C4orf36: variants seen among roughly 807,000 people sequenced by gnomAD.
C4orf36 encodes chromosome 4 open reading frame 36.
In C4orf36, 11 loss-of-function variants were observed where a neutral mutation model predicts 12.2. The ratio of observed to expected loss-of-function variants is 0.90; its 90% CI spans 0.57 to 1.49. The LOEUF (loss-of-function observed/expected upper bound fraction) is 1.49, where lower values mean the gene tolerates loss of function less well. C4orf36 is among the 40% of genes most tolerant of loss of function. The pLI is 0.00. For missense variants in C4orf36, 137 were observed against 133.9 expected, an observed-to-expected ratio of 1.02 and a Z score of -0.11; for synonymous variants, 54 against 51.3, an observed-to-expected ratio of 1.05 and a Z score of -0.22.
the C4orf36 span, among the ~76,000 whole-genome samples, chr4:86,905,797 A>G: frequency 1.3e-3 from 199 of 150,514 alleles, 6 homozygotes; most frequent in South Asian, 0.041. Flanking sequence ...GGCTCACTGC[A>G]ACCTCTGTCT....
At chr4:86,884,368 G>C (rs1022895604) in intron 4 of C4orf36, among the ~76,000 whole-genome samples, 2 of 143,006 alleles carry the variant, frequency 1.4e-5, no homozygotes, top group Non-Finnish European at 3.0e-5. Context: ...GCAGTGGCAT[G>C]ATCACAGCTC....
intron 2 of C4orf36, 113 bp from the exon 3 acceptor site, chr4:86,888,388 G>T: frequency 1.0e-6 from 1 of 971,416 alleles, no homozygotes; most frequent in South Asian, 1.7e-5. Flanking sequence ...TTTGGTTTAT[G>T]GGTGGAGGGG....
the C4orf36 span, chr4:86,935,704 A>G: frequency 2.0e-5 from 3 of 150,678 alleles, no homozygotes; most frequent in Non-Finnish European, 1.5e-5. Flanking sequence ...TGTCGTGGAG[A>G]GAGATGAGGG....
At chr4:86,899,364 A>G in the C4orf36 span, among the ~76,000 whole-genome samples, 1 of 152,236 alleles carries the variant, frequency 6.6e-6, no homozygotes, top group Non-Finnish European at 1.5e-5. Context: ...CCACAGAACC[A>G]AGAGTTGTAG....
At chr4:86,910,590 G>C in the C4orf36 span, among the ~76,000 whole-genome samples, 1 of 152,134 alleles carries the variant, frequency 6.6e-6, no homozygotes, top group African/African-American at 2.4e-5. Flanking sequence ...CAGATTATTT[G>C]TTAGGAGGTC....
At position 86,888,234 on chromosome 4, in the gene C4orf36, G is replaced by T. The variant is rs1550931; in HGVS notation, c.107C>A (p.Ser36Tyr). ...WDIALLAKTW[S>Y]TNLANIKLPF... Reference sequence around the variant, plus strand: ...CAACTTGATATTGGCTAGGTTTGTGGACCAGGTCTTTGCAAGCAATGCAAT... The same window carrying T: ...CAACTTGATATTGGCTAGGTTTGTGTACCAGGTCTTTGCAAGCAATGCAAT... The change falls in exon 3 of 5, where the codon TCC becomes TAC. Residue 36 changes from serine to tyrosine, a missense_variant. Physicochemically the swap from Ser to Tyr is moderately radical, Grantham distance 144 (BLOSUM62 -2). Transcript: ENST00000295898. 1,576,070 of 1,614,098 alleles carry T rather than the reference G, an allele frequency of 0.98. 772,453 individuals are homozygous for T. Among genetic ancestry groups the T allele is most frequent in the Non-Finnish European group, 1 (1,176,347 of 1,180,032 alleles).
At chr4:86,911,794 C>T in the C4orf36 span, among the ~76,000 whole-genome samples, 1 of 152,102 alleles carries the variant, frequency 6.6e-6, no homozygotes, top group African/African-American at 2.4e-5. Flanking sequence ...TCAAGTGATC[C>T]TCCCACCTCA....
At chr4:86,922,827 C>T in the C4orf36 span, among the ~76,000 whole-genome samples, 1 of 152,160 alleles carries the variant, frequency 6.6e-6, no homozygotes, top group Non-Finnish European at 1.5e-5. Flanking sequence ...CCCGTCCTCT[C>T]CAAGGGGGTC....
chr4:86,887,973 C>G (rs1403887425), intron 3 of C4orf36, 80 bp from the exon 4 acceptor site: 2 of 1,576,132 alleles, frequency 1.3e-6, no homozygotes, highest in African/African-American at 2.7e-5. Flanking sequence ...TATCATACAG[C>G]AAAATCCATA....
intron 4 of C4orf36, among the ~76,000 whole-genome samples, chr4:86,880,065 G>T (rs1249670979): frequency 6.6e-6 from 1 of 152,042 alleles, no homozygotes; most frequent in African/African-American, 2.4e-5. Context: ...TATTGCTCAA[G>T]CTGTTCTTAA....
chr4:86,890,143 G>C (rs1027818293), intron 2 of C4orf36: 1 of 444,530 alleles, frequency 2.2e-6, no homozygotes, highest in Non-Finnish European at 4.5e-6. Flanking sequence ...TCCAGCCTGC[G>C]TGACAGTGTG....
the C4orf36 span, among the ~76,000 whole-genome samples, chr4:86,908,074 C>A: frequency 1.3e-4 from 20 of 152,142 alleles, no homozygotes; most frequent in African/African-American, 4.8e-4. Context: ...GCTTTGCCTG[C>A]AGAGAGCACA....
intron 4 of C4orf36, chr4:86,887,228 G>T (rs547916381): frequency 6.6e-6 from 1 of 151,920 alleles, no homozygotes; most frequent in Admixed American, 6.6e-5. Context: ...AAACCTGCAC[G>T]TTGTGCACAT....
chr4:86,905,749 G>T, the C4orf36 span, among the ~76,000 whole-genome samples: 1 of 144,856 alleles, frequency 6.9e-6, no homozygotes, highest in African/African-American at 2.6e-5. Context: ...ACATAGTCTC[G>T]CTCTGTTGCC....
upstream of C4orf36, among the ~76,000 whole-genome samples, chr4:86,894,843 C>T (rs1184415793): frequency 6.6e-6 from 1 of 152,130 alleles, no homozygotes; most frequent in African/African-American, 2.4e-5. Flanking sequence ...GGGCTTTTGC[C>T]ACCAACTATG....
At chr4:86,879,764 AAG>A (rs1466653450) in intron 4 of C4orf36, among the ~76,000 whole-genome samples, 1 of 152,186 alleles carries the variant, frequency 6.6e-6, no homozygotes, top group East Asian at 1.9e-4. Flanking sequence ...GTCAAAGACA[AAG>A]AGAGAATCTT....
chr4:86,885,027 A>G (rs560306348), intron 4 of C4orf36, among the ~76,000 whole-genome samples: 85 of 152,160 alleles, frequency 5.6e-4, no homozygotes, highest in African/African-American at 2.0e-3. Context: ...GTGTGGTATT[A>G]TTTCTGAGGG....
the C4orf36 span, among the ~76,000 whole-genome samples, chr4:86,902,149 G>T: frequency 1.3e-5 from 2 of 152,140 alleles, no homozygotes; most frequent in African/African-American, 4.8e-5. Context: ...CTCCAGGTGT[G>T]GTGGCTCATG....
At chr4:86,927,098 C>A in the C4orf36 span, among the ~76,000 whole-genome samples, 1 of 152,176 alleles carries the variant, frequency 6.6e-6, no homozygotes, top group Non-Finnish European at 1.5e-5. Flanking sequence ...AAAGTATGCC[C>A]ACCCCCATTC....
Sources: allele counts gnomAD v4.1 joint callset (sites outside exome capture counted in the v4.1 genomes callset), GRCh38; gene constraint gnomAD v4.1.1; transcripts MANE v1.5; gene names NCBI Gene and HGNC (gene_info 2026-07-23, HGNC 2026-07-21).